ORC1: variants seen among roughly 807,000 people sequenced by gnomAD.
ORC1 encodes origin recognition complex, subunit 1 homolog.
Under a neutral mutation model 98.9 loss-of-function variants are expected in ORC1, and 61 were observed. The observed-to-expected ratio is 0.62, with a 90% CI of 0.50 to 0.76. ORC1 has a LOEUF of 0.76. Among genes scored for constraint, ORC1 ranks in the 30% least tolerant of loss-of-function variants. ORC1 has a pLI of 0.00. For synonymous variants in ORC1, 385 were observed against 406.9 expected (o/e 0.95, Z 0.65); for missense variants, 979 against 1,072.2 (o/e 0.91, Z 1.21).
chr1:52,409,019 C>T, upstream of ORC1: 1 of 205,912 alleles, frequency 4.9e-6, no homozygotes, highest in Non-Finnish European at 1.0e-5. Flanking sequence ...CCTTCCCCAG[C>T]CCTCTCAGAC....
At chr1:52,398,144 A>C (rs756980477) in intron 3 of ORC1, among the ~76,000 whole-genome samples, 1 of 152,034 alleles carries the variant, frequency 6.6e-6, no homozygotes, top group Non-Finnish European at 1.5e-5. Flanking sequence ...TTGTATTTTC[A>C]GTAGAAACGA....
Position 52,396,229 on chromosome 1 carries a change from G to A in ORC1, c.538C>T (p.Gln180Ter), listed in dbSNP as rs1443587167. The A allele has an allele frequency of 1.2e-6, 2 of 1,614,192 alleles. No homozygotes were observed. Among genetic ancestry groups the A allele is most frequent in the Admixed American group, 3.3e-5 (2 of 60,022 alleles). Residue 180 changes from glutamine (Q) to a stop codon, truncating the protein, a stop_gained, in exon 5 of 17, where the codon CAA (glutamine) becomes TAA (stop). Coordinates refer to ENST00000371568, the MANE Select transcript of ORC1 (RefSeq NM_004153.4). LOFTEE classifies it high-confidence loss of function. Reference sequence around the variant, plus strand: ...TTCTGGCACTTGGCTGCACTCTCTTGTGGTTTATTCAACTCCGCAAATAGT... The same window carrying A: ...TTCTGGCACTTGGCTGCACTCTCTTATGGTTTATTCAACTCCGCAAATAGT... Reference protein sequence around the residue: ...SELFAELNKPQESAAKCQKPV... With the variant: ...SELFAELNKP
chr1:52,393,726 C>G lies in ORC1; in HGVS notation c.799G>C (p.Ala267Pro). The change falls in exon 6 of 17, where the codon GCC becomes CCC. Residue 267 changes from alanine (A) to proline (P), a missense_variant. By Grantham distance (27) the Ala-to-Pro change is conservative. Transcript: ENST00000371568. ...GAAGGTGAGGTGATCTCCGAGAAGGCCACTTTCCGTTTTATTCTTCCTGGA... is the reference window on the plus strand; with the variant it reads ...GAAGGTGAGGTGATCTCCGAGAAGGGCACTTTCCGTTTTATTCTTCCTGGA... Reference protein sequence around the residue: ...DSPGRIKRKVAFSEITSPSKR... With the variant: ...DSPGRIKRKVPFSEITSPSKR... The G allele has an allele frequency of 4.3e-6, 7 of 1,614,006 alleles. No individual in the cohort carries two copies. Among genetic ancestry groups the G allele is most frequent in the Non-Finnish European group, 5.9e-6 (7 of 1,179,984 alleles).
intron 1 of ORC1, among the ~76,000 whole-genome samples, chr1:52,402,593 G>A (rs1260635008): frequency 6.6e-6 from 1 of 152,192 alleles, no homozygotes; most frequent in Non-Finnish European, 1.5e-5. Flanking sequence ...TGATACAGGG[G>A]TTGTAAATGT....
At chr1:52,384,383 T>C (rs1479042667) in intron 11 of ORC1, among the ~76,000 whole-genome samples, 167 bp downstream of exon 11, 2 of 152,152 alleles carry the variant, frequency 1.3e-5, no homozygotes, top group Admixed American at 1.3e-4. Flanking sequence ...GACTTTGAAG[T>C]CTCTTAGGGT....
rs142127656 is a variant in ORC1, at chr1:52,375,571, C to G, written c.2162G>C (p.Arg721Pro). The G allele has an allele frequency of 1.2e-6, 2 of 1,614,054 alleles. No individual in the cohort carries two copies. ...GGCACGCCTGCAGATGTCCAGGCAC[C>G]GTCGTGCATCTCCAGACAGTGCTGC... is the stretch of plus-strand genomic sequence containing the variant. ...KVAALSGDAR[R>P]CLDICRRATE... is the part of the protein sequence containing the mutation. Residue 721 changes from arginine (R) to proline (P), a missense_variant, in exon 15 of 17, where the codon CGG becomes CCG. By Grantham distance (103) the Arg-to-Pro change is moderately radical. Transcript: ENST00000371568.
intron 14 of ORC1, among the ~76,000 whole-genome samples, chr1:52,379,810 A>ATAG (rs1647038336): frequency 6.6e-6 from 1 of 151,818 alleles, no homozygotes; most frequent in African/African-American, 2.4e-5. Context: ...GTGTGCACCT[A>ATAG]TAGTCCCAGC....
chr1:52,386,678 A>C (rs1647147191), intron 8 of ORC1, among the ~76,000 whole-genome samples: 1 of 152,228 alleles, frequency 6.6e-6, no homozygotes, highest in South Asian at 2.1e-4. Flanking sequence ...AAAAGGCTTT[A>C]CAGGCTGGTG....
At chr1:52,389,355 G>C (rs756942925) in intron 6 of ORC1, 34 bp from the exon 7 acceptor site, 25 of 1,509,036 alleles carry the variant, frequency 1.7e-5, no homozygotes, top group Non-Finnish European at 1.8e-5. Flanking sequence ...ACGGGAAGCA[G>C]TTTTGGATAC....
chr1:52,376,217 C>T (rs1646993377), intron 14 of ORC1, among the ~76,000 whole-genome samples: 1 of 152,060 alleles, frequency 6.6e-6, no homozygotes. Flanking sequence ...ACTAAAAACA[C>T]AAAAATTAGC....
intron 9 of ORC1, 83 bp downstream of exon 9, chr1:52,385,769 C>T: frequency 1.1e-6 from 1 of 877,728 alleles, no homozygotes; most frequent in Non-Finnish European, 1.9e-6. Context: ...ATTAGGTAGA[C>T]CAGTGACTGC....
upstream of ORC1, chr1:52,405,927 A>G (rs1647975159): frequency 1.8e-6 from 2 of 1,084,802 alleles, no homozygotes; most frequent in Non-Finnish European, 1.4e-6. Flanking sequence ...TACACAATGT[A>G]TCTCATTTCT....
chr1:52,385,203 A>C lies in ORC1; in HGVS notation c.1541T>G (p.Ile514Ser). The stretch of plus-strand genomic sequence containing the variant: ...GAGTTTGCTTTCCACAAAATTGTAG[A>C]TGTCTTGGAATTCCTGTTCCCGACA... ...LPCREQEFQD[I>S]YNFVESKLLD... is the part of the protein sequence containing the mutation. The change falls in exon 10 of 17, where the codon ATC (isoleucine) becomes AGC (serine). Residue 514 changes from isoleucine to serine, a missense_variant. Ile to Ser is a moderately radical substitution (Grantham distance 142, BLOSUM62 -2). Transcript: ENST00000371568. 1 of 1,614,056 alleles carries C rather than the reference A, an allele frequency of 6.2e-7. No individual in the cohort carries two copies. Among genetic ancestry groups the C allele is most frequent in the Non-Finnish European group, 8.5e-7 (1 of 1,179,900 alleles).
rs759043194 is a variant in ORC1, at chr1:52,381,698, G to A, written c.2077C>T (p.Arg693Trp). 3.1e-5 allele frequency: 50 copies of A among 1,613,248 alleles called. No homozygotes were observed. Among genetic ancestry groups the A allele is most frequent in the South Asian group, 8.8e-5 (8 of 91,048 alleles). The change falls in exon 14 of 17, where the codon CGG becomes TGG. Residue 693 changes from arginine (R) to tryptophan (W), a missense_variant. Coordinates refer to ENST00000371568, the MANE Select transcript of ORC1 (RefSeq NM_004153.4). Reference protein sequence around the residue: ...YSQLQQILRSRLKHLKAFEDD... With the variant: ...YSQLQQILRSWLKHLKAFEDD... ...TCAAAGGCCTTTAGATGCTTGAGCC[G>A]GGACCTTAGGATCTGCTGCAGCTGG...
chr1:52,400,521 A>G (rs1647654423), intron 3 of ORC1, among the ~76,000 whole-genome samples: 1 of 152,240 alleles, frequency 6.6e-6, no homozygotes, highest in Non-Finnish European at 1.5e-5. Context: ...ATCTTTATCC[A>G]CTCAGTCTAT....
chr1:52,396,842 C>T (rs769744296), intron 4 of ORC1, among the ~76,000 whole-genome samples: 3 of 152,180 alleles, frequency 2.0e-5, no homozygotes, highest in Non-Finnish European at 4.4e-5. Context: ...TAATGGCTCC[C>T]ACTGTAGCAA....
At position 52,376,643 on chromosome 1, in the gene ORC1, T is replaced by C. The variant is rs116505856; in HGVS notation, c.2134-1044A>G. ...CTTCGTCAGTTCTCCTCCCCTCCCA[T>C]TACCACCTGTACAGCCTGGTGAAGA... On this transcript the variant is annotated intron_variant, in intron 14 of 16. Coordinates refer to ENST00000371568, the MANE Select transcript of ORC1 (RefSeq NM_004153.4). 8.0e-3 allele frequency among the ~76,000 whole-genome samples: 1,220 copies of C among 152,176 alleles called. 17 individuals carry two copies. Among genetic ancestry groups the C allele is most frequent in the African/African-American group, 0.027 (1,125 of 41,504 alleles).
rs764217409 is a variant in ORC1, at chr1:52,401,503, G to T, written c.96-14C>A. The T allele has an allele frequency of 6.2e-7, 1 of 1,613,724 alleles. No individual in the cohort carries two copies. On this transcript the variant is annotated splice_polypyrimidine_tract_variant and intron_variant, in intron 2 of 16. Coordinates refer to ENST00000371568, the MANE Select transcript of ORC1 (RefSeq NM_004153.4). Reference sequence around the variant, plus strand: ...ACACACATTTCTCTAGGAAGTAACAGAGAAGCACATTAGGAAATAACTTAA... The same window carrying T: ...ACACACATTTCTCTAGGAAGTAACATAGAAGCACATTAGGAAATAACTTAA...
chr1:52,396,964 C>G (rs1647431527), intron 4 of ORC1, among the ~76,000 whole-genome samples: 1 of 152,216 alleles, frequency 6.6e-6, no homozygotes, highest in Non-Finnish European at 1.5e-5. Context: ...GCTATTCCCA[C>G]CACTGTGCTC....
Sources: allele counts gnomAD v4.1 joint callset (sites outside exome capture counted in the v4.1 genomes callset), GRCh38; gene constraint gnomAD v4.1.1; transcripts MANE v1.5; gene names NCBI Gene and HGNC (gene_info 2026-07-23, HGNC 2026-07-21).